Variants in CTNNA3 observed in about 807,000 individuals in gnomAD.
CTNNA3 encodes catenin alpha 3.
CTNNA3 carries 76 observed loss-of-function variants against 95.7 expected under a neutral mutation model. The observed-to-expected ratio is 0.79, with a 90% CI of 0.66 to 0.96. The LOEUF is 0.96. CTNNA3 is among the 40% of genes least tolerant of loss of function. CTNNA3 has a pLI of 0.00. For missense variants in CTNNA3, 1,191 were observed against 1,089.8 expected (o/e 1.09, Z -1.31); for synonymous variants, 431 against 374.4 (o/e 1.15, Z -1.74).
chr10:67,002,781 G>T (rs1851759492), intron 7 of CTNNA3, among the ~76,000 whole-genome samples: 1 of 151,528 alleles, frequency 6.6e-6, no homozygotes, highest in Non-Finnish European at 1.5e-5. Context: ...TATAATTGCT[G>T]GGTTAAATAA....
intron 1 of CTNNA3, 46 bp downstream of exon 1, chr10:67,695,954 G>A (rs1840956480): frequency 6.6e-6 from 1 of 152,162 alleles, no homozygotes; most frequent in Admixed American, 6.5e-5. Context: ...GCAGAAATGA[G>A]AATTCGCTGA....
intron 1 of CTNNA3, among the ~76,000 whole-genome samples, chr10:67,689,040 T>C (rs10997782): frequency 0.34 from 51,781 of 151,758 alleles, 10,511 homozygotes; most frequent in African/African-American, 0.57. Flanking sequence ...CAAGAAAAAT[T>C]GGATTTAGTG....
chr10:66,761,838 T>C (rs59086739), intron 9 of CTNNA3, among the ~76,000 whole-genome samples: 17,891 of 152,140 alleles, frequency 0.12, 1,514 homozygotes, highest in African/African-American at 0.24. Context: ...TGATAATTAA[T>C]GGTAATGGCA....
At chr10:66,781,310 A>G (rs1258979128) in intron 7 of CTNNA3, among the ~76,000 whole-genome samples, 1 of 152,196 alleles carries the variant, frequency 6.6e-6, no homozygotes, top group Non-Finnish European at 1.5e-5. Context: ...TTAATGGTAA[A>G]AGATGAAATA....
intron 7 of CTNNA3, among the ~76,000 whole-genome samples, chr10:67,065,134 G>T (rs1855999867): frequency 6.6e-6 from 1 of 152,072 alleles, no homozygotes; most frequent in South Asian, 2.1e-4. Flanking sequence ...AAGGCACCAT[G>T]GTTCCCTCTG....
At chr10:66,111,240 C>T (rs997351746) in intron 13 of CTNNA3, among the ~76,000 whole-genome samples, 1 of 152,218 alleles carries the variant, frequency 6.6e-6, no homozygotes, top group East Asian at 1.9e-4. Flanking sequence ...TTTCTTCCAC[C>T]TCCTGCCCTG....
intron 5 of CTNNA3, among the ~76,000 whole-genome samples, chr10:67,221,916 A>G (rs993378032): frequency 2.0e-5 from 3 of 152,140 alleles, no homozygotes; most frequent in Admixed American, 1.3e-4. Flanking sequence ...GTGCTTCTAT[A>G]CAGTATCTTA....
chr10:67,528,995 A>C (rs1181413398), intron 4 of CTNNA3, among the ~76,000 whole-genome samples: 1 of 152,180 alleles, frequency 6.6e-6, no homozygotes, highest in Non-Finnish European at 1.5e-5. Context: ...TATATACATG[A>C]AAATTGCTAG....
At chr10:66,038,787 A>T (rs923703561) in intron 15 of CTNNA3, among the ~76,000 whole-genome samples, 11 of 152,234 alleles carry the variant, frequency 7.2e-5, no homozygotes, top group Non-Finnish European at 1.5e-4. Flanking sequence ...AGCCAACATC[A>T]TAATGAATGG....
chr10:66,423,487 T>A (rs183592387), intron 11 of CTNNA3, among the ~76,000 whole-genome samples: 47 of 152,302 alleles, frequency 3.1e-4, no homozygotes, highest in African/African-American at 1.1e-3. Context: ...CCAAAGGGCA[T>A]CAGCCTAATG....
intron 7 of CTNNA3, among the ~76,000 whole-genome samples, chr10:67,016,484 G>C (rs1852664485): frequency 6.6e-6 from 1 of 152,152 alleles, no homozygotes; most frequent in South Asian, 2.1e-4. Context: ...TGGGCTGAAA[G>C]ACAAAGTGGT....
intron 5 of CTNNA3, among the ~76,000 whole-genome samples, chr10:67,278,823 T>C (rs1308221565): frequency 6.6e-6 from 1 of 152,194 alleles, no homozygotes; most frequent in African/African-American, 2.4e-5. Flanking sequence ...ATTTTTTCCC[T>C]TCTTATCCTA....
intron 5 of CTNNA3, among the ~76,000 whole-genome samples, chr10:67,234,129 T>C (rs1458628874): frequency 2.0e-5 from 3 of 151,956 alleles, no homozygotes; most frequent in African/African-American, 4.8e-5. Context: ...TTCCAATCAA[T>C]AGAAAAAGAG....
Position 66,997,392 on chromosome 10 carries a change from T to G in CTNNA3, c.1047+182925A>C, listed in dbSNP as rs558712320. Among the ~76,000 whole-genome samples the G allele has an allele frequency of 2.0e-4, 31 of 152,364 alleles. 1 individual carries two copies. In the East Asian group the frequency reaches 5.8e-3, roughly 28 times the overall value. On this transcript the variant is annotated intron_variant, in intron 7 of 17. Transcript: ENST00000433211. ...ATTAATTTACCTGTGTTAAATTGTT[T>G]TAATCAGATTTCATTTTAAAACTAG...
intron 5 of CTNNA3, among the ~76,000 whole-genome samples, chr10:67,496,244 C>T (rs552736406): frequency 6.6e-6 from 1 of 152,198 alleles, no homozygotes; most frequent in East Asian, 1.9e-4. Context: ...GTGACAGACT[C>T]CTATGTGCCT....
At chr10:66,600,094 T>A (rs1234480745) in intron 10 of CTNNA3, among the ~76,000 whole-genome samples, 5 of 151,898 alleles carry the variant, frequency 3.3e-5, no homozygotes, top group Non-Finnish European at 7.4e-5. Context: ...ACACAGTTGC[T>A]GAGATAGAAC....
At chr10:66,437,604 T>A (rs747179178) in intron 11 of CTNNA3, among the ~76,000 whole-genome samples, 2 of 152,076 alleles carry the variant, frequency 1.3e-5, no homozygotes, top group Non-Finnish European at 2.9e-5. Context: ...CCTAGGGGAA[T>A]CTTTTATCAA....
intron 13 of CTNNA3, among the ~76,000 whole-genome samples, chr10:66,164,605 T>G (rs1422000118): frequency 6.6e-6 from 1 of 152,110 alleles, no homozygotes; most frequent in Non-Finnish European, 1.5e-5. Flanking sequence ...GTCTGAGAAT[T>G]AAGTTAAATA....
chr10:67,551,466 ATTC>A (rs1390157435), intron 3 of CTNNA3, among the ~76,000 whole-genome samples: 1 of 152,124 alleles, frequency 6.6e-6, no homozygotes, highest in Non-Finnish European at 1.5e-5. Flanking sequence ...GTGTGATCCA[ATTC>A]TTCTGGTACA....
Sources: gnomAD v4.1 joint callset for allele counts (sites outside exome capture counted in the v4.1 genomes callset) on GRCh38, gnomAD v4.1.1 for gene constraint, MANE v1.5 for transcripts, NCBI Gene and HGNC (gene_info 2026-07-23, HGNC 2026-07-21) for gene names.